The following EIF4G3 variants were observed in gnomAD, a reference collection of about 807,000 sequenced individuals.
EIF4G3 encodes the protein eIF-4-gamma 3.
In EIF4G3, 34 loss-of-function variants were observed where a neutral mutation model predicts 186.4. The ratio of observed to expected loss-of-function variants is 0.18; its 90% CI spans 0.14 to 0.24. EIF4G3 has a LOEUF of 0.24. Ranked by LOEUF, EIF4G3 falls within the 10% of genes least tolerant of loss-of-function variation. EIF4G3 has a pLI of 1.00. For synonymous variants in EIF4G3, 673 were observed against 679.5 expected (o/e 0.99, Z 0.15); for missense variants, 1,536 against 1,948.5 (o/e 0.79, Z 3.99).
chr1:21,094,517 A>G (rs1405699123), intron 2 of EIF4G3, among the ~76,000 whole-genome samples: 1 of 151,666 alleles, frequency 6.6e-6, no homozygotes, highest in Non-Finnish European at 1.5e-5. Context: ...AAACTATCGC[A>G]AAGACAGAAA....
At chr1:20,855,758 T>C (rs949782591) in intron 25 of EIF4G3, among the ~76,000 whole-genome samples, 1 of 152,250 alleles carries the variant, frequency 6.6e-6, no homozygotes, top group South Asian at 2.1e-4. Context: ...TGCTATGCTA[T>C]GTAATATGCT....
At chr1:20,916,919 T>G (rs1370686844) in intron 14 of EIF4G3, among the ~76,000 whole-genome samples, 1 of 152,212 alleles carries the variant, frequency 6.6e-6, no homozygotes, top group East Asian at 1.9e-4. Flanking sequence ...CAAATGTACT[T>G]TGGAAAATGA....
Position 21,176,756 on chromosome 1 carries a change from G to A in EIF4G3, c.-490C>T, listed in dbSNP as rs948923541. On this transcript the variant is annotated 5_prime_UTR_variant, in exon 1 of 37. Transcript: ENST00000602326. ...CAATATCCTCATGGGCCGGCGGCGG[G>A]GGATCTTTATCCCCCTCCCCGGAGG... 4.3e-6 allele frequency: 3 copies of A among 698,580 alleles called. No homozygotes were observed. Among genetic ancestry groups the A allele is most frequent in the South Asian group, 3.0e-5 (2 of 67,560 alleles). The allele number at this position is 698,580 out of a possible 1,614,324, so 43.3% of individuals were successfully genotyped here.
chr1:21,141,126 T>C (rs995059533), intron 2 of EIF4G3, among the ~76,000 whole-genome samples: 1 of 152,136 alleles, frequency 6.6e-6, no homozygotes, highest in Admixed American at 6.6e-5. Flanking sequence ...GGAACAATTA[T>C]AATTCCCATA....
intron 2 of EIF4G3, among the ~76,000 whole-genome samples, chr1:21,154,438 G>A (rs539008377): frequency 9.9e-5 from 15 of 152,232 alleles, no homozygotes; most frequent in Admixed American, 5.2e-4. Flanking sequence ...AACATTCTAC[G>A]AAATTATCTA....
At chr1:21,138,405 T>A (rs1007062632) in intron 2 of EIF4G3, among the ~76,000 whole-genome samples, 1 of 152,038 alleles carries the variant, frequency 6.6e-6, no homozygotes, top group Non-Finnish European at 1.5e-5. Context: ...AATGCACAAG[T>A]TCACTCCAAA....
intron 34 of EIF4G3, among the ~76,000 whole-genome samples, chr1:20,813,824 C>T (rs1463805800): frequency 1.3e-5 from 2 of 151,050 alleles, no homozygotes; most frequent in Non-Finnish European, 2.9e-5. Context: ...CCAGACTGGG[C>T]GACAAGTGCA....
chr1:20,827,437 GC>G lies in EIF4G3; in HGVS notation c.4269+179del, dbSNP rs574367869. The stretch of plus-strand genomic sequence containing the variant: ...AATCTAGTCGAGATTTGATAATTCT[GC>G]CCCAAGATATTAGCAAACAGAAGGA... On this transcript the variant is annotated intron_variant, in intron 32 of 36. Coordinates refer to ENST00000602326, the MANE Select transcript of EIF4G3 (RefSeq NM_001391906.1). Among the ~76,000 whole-genome samples, 3 of 152,132 alleles carry G rather than the reference GC, an allele frequency of 2.0e-5. No homozygotes were observed. In the South Asian group the frequency reaches 6.2e-4, roughly 32 times the overall value.
chr1:21,143,785 G>A (rs879377941), intron 2 of EIF4G3, among the ~76,000 whole-genome samples: 5 of 152,170 alleles, frequency 3.3e-5, no homozygotes, highest in Admixed American at 1.3e-4. Flanking sequence ...ACCTGGGTGT[G>A]GTGGCATGTG....
chr1:20,992,162 C>G (rs567217472), intron 7 of EIF4G3, among the ~76,000 whole-genome samples: 2 of 152,268 alleles, frequency 1.3e-5, no homozygotes, highest in Admixed American at 6.5e-5. Flanking sequence ...ACCCATCACT[C>G]ACTTGTACCA....
intron 2 of EIF4G3, among the ~76,000 whole-genome samples, chr1:21,099,845 T>C (rs997389924): frequency 1.1e-4 from 17 of 152,144 alleles, no homozygotes; most frequent in Non-Finnish European, 2.4e-4. Context: ...AGTCACCATA[T>C]GGTTCAGTAA....
rs2068397126 is a variant in EIF4G3, at chr1:20,841,040, G to A, written c.3889-12C>T. On this transcript the variant is annotated splice_polypyrimidine_tract_variant and intron_variant, in intron 29 of 36. Coordinates refer to ENST00000602326, the MANE Select transcript of EIF4G3 (RefSeq NM_001391906.1). ...CACTGCATGGCTTCCTGTTCCAACA[G>A]CAAAGAAAGGTTTACTCCAAAATCT... 1 of 1,612,276 alleles carries A rather than the reference G, an allele frequency of 6.2e-7. No homozygotes were observed. Among genetic ancestry groups the A allele is most frequent in the Admixed American group, 1.7e-5 (1 of 59,670 alleles).
chr1:21,062,363 G>A (rs1338389439), intron 3 of EIF4G3, among the ~76,000 whole-genome samples: 1 of 151,748 alleles, frequency 6.6e-6, no homozygotes, highest in Non-Finnish European at 1.5e-5. Flanking sequence ...CCTAGCCTCT[G>A]CTTATAATTC....
intron 34 of EIF4G3, 99 bp from the exon 35 acceptor site, chr1:20,813,338 A>T: frequency 3.4e-6 from 2 of 589,184 alleles, no homozygotes; most frequent in Non-Finnish European, 5.7e-6. Flanking sequence ...CCGAGACAGG[A>T]GGATCACTTG....
chr1:21,043,769 G>A (rs1426380670), intron 4 of EIF4G3, among the ~76,000 whole-genome samples: 1 of 151,564 alleles, frequency 6.6e-6, no homozygotes, highest in African/African-American at 2.4e-5. Flanking sequence ...CTACTCTCAG[G>A]AGGCTAAGGC....
chr1:20,980,884 C>T (rs1314714867), intron 9 of EIF4G3, among the ~76,000 whole-genome samples, 164 bp downstream of exon 9: 1 of 152,160 alleles, frequency 6.6e-6, no homozygotes, highest in African/African-American at 2.4e-5. Context: ...TATCTTCACA[C>T]AGCATAATGA....
intron 5 of EIF4G3, among the ~76,000 whole-genome samples, chr1:21,002,171 A>G (rs575466540): frequency 6.6e-6 from 1 of 152,370 alleles, no homozygotes; most frequent in Admixed American, 6.5e-5. Flanking sequence ...AGAGGATGAT[A>G]GCATTTACAT....
chr1:20,829,031 C>G, intron 31 of EIF4G3, 116 bp downstream of exon 31: 1 of 1,099,628 alleles, frequency 9.1e-7, no homozygotes, highest in Non-Finnish European at 1.3e-6. Flanking sequence ...AGAGTCACAG[C>G]CTGCATTCAT....
At chr1:20,947,435 T>C (rs1214395081) in intron 13 of EIF4G3, among the ~76,000 whole-genome samples, 1 of 150,168 alleles carries the variant, frequency 6.7e-6, no homozygotes, top group African/African-American at 2.5e-5. Context: ...TAACATTACA[T>C]AAATTTGGTT....
Sources: gnomAD v4.1 joint callset for allele counts (sites outside exome capture counted in the v4.1 genomes callset) on GRCh38, gnomAD v4.1.1 for gene constraint, MANE v1.5 for transcripts, NCBI Gene and HGNC (gene_info 2026-07-23, HGNC 2026-07-21) for gene names.